LRMDA: variants seen among roughly 807,000 people sequenced by gnomAD.
LRMDA encodes the protein leucine-rich melanocyte differentiation-associated protein.
A neutral mutation model predicts 29.8 loss-of-function variants in LRMDA; 18 were observed. That is an observed-to-expected ratio of 0.60 (90% CI 0.42 to 0.90). LRMDA has a LOEUF of 0.90. Among genes scored for constraint, LRMDA ranks in the 40% least tolerant of loss-of-function variants. LRMDA has a pLI of 0.00. For synonymous variants in LRMDA, 125 were observed against 109.4 expected (o/e 1.14, Z -0.89); for missense variants, 273 against 273.9 (o/e 1.00, Z 0.02).
intron 5 of LRMDA, among the ~76,000 whole-genome samples, chr10:76,091,587 T>G (rs993609553): frequency 6.6e-6 from 1 of 152,064 alleles, no homozygotes; most frequent in African/African-American, 2.4e-5. Context: ...TCATAGTCAC[T>G]TGGGGGTGCT....
At chr10:75,677,221 C>T (rs763787065) in intron 2 of LRMDA, among the ~76,000 whole-genome samples, 22 of 152,252 alleles carry the variant, frequency 1.4e-4, no homozygotes, top group Admixed American at 2.6e-4. Context: ...TTGTTAATGA[C>T]TTAATTTATA....
At position 75,431,684 on chromosome 10, in the gene LRMDA, C is replaced by CCCGCGCTCCGTCCCGCGCG. The variant is rs1844197158; in HGVS notation, c.-39_-38insGCGCTCCGTCCCGCGCGCC. The CCCGCGCTCCGTCCCGCGCG allele has an allele frequency of 7.9e-7, 1 of 1,272,420 alleles. No homozygotes were observed. Among genetic ancestry groups the CCCGCGCTCCGTCCCGCGCG allele is most frequent in the African/African-American group, 1.6e-5 (1 of 64,192 alleles). The allele number at this position is 1,272,420 out of a possible 1,614,324, so 78.8% of individuals were successfully genotyped here. A position where few individuals can be genotyped will look rare whatever the true frequency, so the allele number is the denominator to read the frequency against. On this transcript the variant is annotated 5_prime_UTR_variant, in exon 1 of 7. Coordinates refer to ENST00000611255, the MANE Select transcript of LRMDA (RefSeq NM_001305581.2). ...GCGCTCCCCGCTGCTGCCGCCGCGC[C>CCCGCGCTCCGTCCCGCGCG]CCCGCGCTCCGTCCCGCGCGCCCGC...
chr10:75,970,616 AC>A (rs1846949700), intron 2 of LRMDA, among the ~76,000 whole-genome samples: 2 of 152,238 alleles, frequency 1.3e-5, no homozygotes, highest in Admixed American at 6.5e-5. Context: ...TAGTTGCCCA[AC>A]CCTCCTTCTC....
chr10:75,606,099 C>T (rs1449551631), intron 2 of LRMDA, among the ~76,000 whole-genome samples: 1 of 152,154 alleles, frequency 6.6e-6, no homozygotes, highest in Non-Finnish European at 1.5e-5. Flanking sequence ...CTCAAGTGAT[C>T]CACCCGCCTC....
chr10:76,535,356 A>G (rs1215695608), intron 6 of LRMDA, among the ~76,000 whole-genome samples: 1 of 152,172 alleles, frequency 6.6e-6, no homozygotes, highest in Non-Finnish European at 1.5e-5. Flanking sequence ...GTGGGGAGGG[A>G]CAAATAATTT....
At chr10:76,076,311 A>G (rs1225080230) in intron 5 of LRMDA, among the ~76,000 whole-genome samples, 1 of 133,242 alleles carries the variant, frequency 7.5e-6, no homozygotes, top group African/African-American at 2.9e-5. Flanking sequence ...ATGCCACTGC[A>G]CTCCAGCCTG....
chr10:76,201,127 G>A (rs911992889), intron 5 of LRMDA, among the ~76,000 whole-genome samples: 2 of 149,848 alleles, frequency 1.3e-5, no homozygotes, highest in Non-Finnish European at 3.0e-5. Context: ...ACGGAGTTTC[G>A]CTCTTGCTGC....
chr10:75,610,227 C>A (rs1841010411), intron 2 of LRMDA, among the ~76,000 whole-genome samples: 2 of 152,138 alleles, frequency 1.3e-5, no homozygotes, highest in Admixed American at 1.3e-4. Context: ...TTAGTTCCAG[C>A]TTTATCACTT....
intron 2 of LRMDA, among the ~76,000 whole-genome samples, chr10:75,824,189 C>T (rs1161016097): frequency 6.6e-6 from 1 of 152,084 alleles, no homozygotes; most frequent in Non-Finnish European, 1.5e-5. Context: ...GTATTTGGGA[C>T]ATATTAAATG....
In LRMDA at chr10:75,691,115, TATCTATATAC is replaced by T. The variant is rs1416495762; in HGVS notation, c.131+252624_131+252633del. On this transcript the variant is annotated intron_variant, in intron 2 of 6. Transcript: ENST00000611255. ...ATGTACATAGATATATAGATCTATA[TATCTATATAC>T]ATAGATATATAGATCTATATATCTA... is the stretch of plus-strand genomic sequence containing the variant. 3.6e-5 allele frequency among the ~76,000 whole-genome samples: 3 copies of T among 82,320 alleles called. 1 individual carries two copies. Among genetic ancestry groups the T allele is most frequent in the African/African-American group, 2.5e-4 (3 of 11,986 alleles). The allele number at this position is 82,320 out of a possible 152,430, so 54.0% of individuals were successfully genotyped here.
chr10:75,505,286 C>T (rs1477370305), intron 2 of LRMDA, among the ~76,000 whole-genome samples: 1 of 152,168 alleles, frequency 6.6e-6, no homozygotes, highest in Non-Finnish European at 1.5e-5. Flanking sequence ...GCTCTGCCAT[C>T]TCTAGACCAT....
rs535625512 is a variant in LRMDA at position 76,491,067 on chromosome 10, A to G, written c.602-66142A>G. 1.1e-4 allele frequency among the ~76,000 whole-genome samples: 17 copies of G among 152,090 alleles called. No individual in the cohort carries two copies. In the East Asian group the frequency reaches 2.7e-3, roughly 24 times the overall value. On this transcript the variant is annotated intron_variant, in intron 6 of 6. Coordinates refer to ENST00000611255, the MANE Select transcript of LRMDA (RefSeq NM_001305581.2). ...AGGAAAACTAATAAAAAATCAGCAC[A>G]TTAACTTTTTCCTCCTGCTTTTTAA...
rs562089065 is a variant in LRMDA, at chr10:76,196,390, T to C, written c.517-128011T>C. ...GAGCAGGGACTCCACAGTAGCATAA[T>C]TGAAATCTCTGTTCACTTTGAATCC... On this transcript the variant is annotated intron_variant, in intron 5 of 6. Transcript: ENST00000611255. 1.2e-4 allele frequency among the ~76,000 whole-genome samples: 18 copies of C among 152,346 alleles called. No homozygotes were observed. The South Asian group carries it at 1.2e-3, about 11-fold the overall frequency.
chr10:75,978,138 G>A (rs1171753218), intron 2 of LRMDA, among the ~76,000 whole-genome samples: 1 of 152,216 alleles, frequency 6.6e-6, no homozygotes, highest in East Asian at 1.9e-4. Flanking sequence ...GGGATGGATG[G>A]TGTGTTCATT....
In LRMDA at chr10:75,629,725, A is replaced by G. The variant is rs1300657575; in HGVS notation, c.131+191231A>G. 4.6e-5 allele frequency among the ~76,000 whole-genome samples: 7 copies of G among 152,362 alleles called. No individual in the cohort carries two copies. The South Asian group carries it at 1.2e-3, about 27-fold the overall frequency. On this transcript the variant is annotated intron_variant, in intron 2 of 6. Transcript: ENST00000611255. ...CATGGGCTCTAAATGTTTGATTTGC[A>G]TAACTAGTTAAAATGATATCAGAGC...
intron 5 of LRMDA, among the ~76,000 whole-genome samples, chr10:76,161,477 C>A (rs537402110): frequency 3.6e-4 from 55 of 152,276 alleles, no homozygotes; most frequent in African/African-American, 1.3e-3. Flanking sequence ...AATGTCTGTG[C>A]TGTCATCAGT....
chr10:76,162,381 T>A (rs1850662573), intron 5 of LRMDA, among the ~76,000 whole-genome samples: 1 of 152,198 alleles, frequency 6.6e-6, no homozygotes, highest in African/African-American at 2.4e-5. Context: ...ACAAGCCTCT[T>A]TGATCCTGTA....
At chr10:76,059,080 A>C (rs551682901) in intron 5 of LRMDA, among the ~76,000 whole-genome samples, 2 of 152,170 alleles carry the variant, frequency 1.3e-5, no homozygotes, top group South Asian at 4.2e-4. Context: ...TTTGCAGCTG[A>C]GAAAGGAGAA....
intron 5 of LRMDA, among the ~76,000 whole-genome samples, chr10:76,251,504 G>A (rs937304228): frequency 8.7e-5 from 13 of 150,232 alleles, no homozygotes; most frequent in Non-Finnish European, 1.8e-4. Flanking sequence ...CACCCGCCTC[G>A]GCCTCCCAAA....
Sources: allele counts gnomAD v4.1 joint callset (sites outside exome capture counted in the v4.1 genomes callset), GRCh38; gene constraint gnomAD v4.1.1; transcripts MANE v1.5; gene names NCBI Gene and HGNC (gene_info 2026-07-23, HGNC 2026-07-21).